The following ZBTB49 variants were observed in gnomAD, a reference collection of about 807,000 sequenced individuals.
ZBTB49 encodes zinc finger and BTB domain containing 49.
In ZBTB49, 43 loss-of-function variants were observed where a neutral mutation model predicts 57.5. The observed-to-expected ratio is 0.75, with a 90% CI of 0.59 to 0.97. The LOEUF (loss-of-function observed/expected upper bound fraction) is 0.97, where lower values mean the gene tolerates loss of function less well. ZBTB49 is among the 50% of genes least tolerant of loss of function. The probability of loss-of-function intolerance (pLI) is 0.00; values close to 1 mark genes in which losing one functional copy is unlikely to be tolerated. For missense variants in ZBTB49, 938 were observed against 947.7 expected, an observed-to-expected ratio of 0.99 and a Z score of 0.13; for synonymous variants, 369 against 362.1, an observed-to-expected ratio of 1.02 and a Z score of -0.22.
chr4:4,304,437 T>C (rs1388655963), intron 3 of ZBTB49, among the ~76,000 whole-genome samples: 1 of 152,064 alleles, frequency 6.6e-6, no homozygotes, highest in African/African-American at 2.4e-5. Flanking sequence ...AGGCTCATCT[T>C]GAACTCCTAA....
chr4:4,302,123 T>C lies in ZBTB49; in HGVS notation c.287T>C (p.Val96Ala), dbSNP rs1720501816. The change falls in exon 3 of 8, where the codon GTA becomes GCA. Residue 96 changes from valine (V) to alanine (A), a missense_variant. Around this residue, in one of 3 missense-constraint regions of ZBTB49, gnomAD observed 100 missense variants for 112.5 expected, o/e 0.89. Transcript: ENST00000337872. ...HLDLNQDNIQ[V>A]MLDTAQCLQV... ...GATCTTAACCAGGACAATATACAAG[T>C]AATGCTGGACACAGCACAGTGTTTG... The C allele has an allele frequency of 1.2e-6, 2 of 1,614,244 alleles. No individual in the cohort carries two copies. The highest frequency in any genetic ancestry group is 1.7e-5 in the Admixed American group (1 of 60,030).
At chr4:4,291,260 G>A (rs1334790508) in intron 1 of ZBTB49, among the ~76,000 whole-genome samples, 1 of 152,178 alleles carries the variant, frequency 6.6e-6, no homozygotes, top group Non-Finnish European at 1.5e-5. Flanking sequence ...TTCAGGTTTG[G>A]TTTCTTCTGA....
intron 4 of ZBTB49, among the ~76,000 whole-genome samples, chr4:4,309,057 T>G (rs1720865743): frequency 6.6e-6 from 1 of 152,230 alleles, no homozygotes; most frequent in Non-Finnish European, 1.5e-5. Flanking sequence ...ATTATTTTCT[T>G]GTAATGAACT....
At position 4,302,819 on chromosome 4, in the gene ZBTB49, A is replaced by G. The variant is rs753697625; in HGVS notation, c.983A>G (p.Lys328Arg). Residue 328 changes from lysine to arginine, a missense_variant, in exon 3 of 8, where the codon AAG becomes AGG. Physicochemically the swap from Lys to Arg is conservative, Grantham distance 26. Transcript: ENST00000337872. Reference protein sequence around the residue: ...QKYAEQVSEPKSDDGLTKRLE... With the variant: ...QKYAEQVSEPRSDDGLTKRLE... ...TACGCAGAGCAAGTATCTGAACCCA[A>G]GTCAGATGATGGTTTGACAAAGAGG... The G allele has an allele frequency of 1.2e-6, 2 of 1,614,078 alleles. No individual in the cohort carries two copies. Among genetic ancestry groups the G allele is most frequent in the Non-Finnish European group, 8.5e-7 (1 of 1,179,934 alleles).
At position 4,321,024 on chromosome 4, in the gene ZBTB49, A is replaced by T; in HGVS notation, c.2006A>T (p.Lys669Met). Residue 669 changes from lysine (K) to methionine (M), a missense_variant, in exon 8 of 8, where the codon AAG (lysine) becomes ATG (methionine). Around this residue, in one of 3 missense-constraint regions of ZBTB49, gnomAD observed 835 missense variants for 819.1 expected, o/e 1.02. Transcript: ENST00000337872. ...CCTCATGGAGTTAGTGACCAGGAGA[A>T]GCTGAGTTTGGATCCTGGTAAACTT... ...IQPHGVSDQEKLSLDPGKLAK... is the reference protein window; with the variant it reads ...IQPHGVSDQEMLSLDPGKLAK... The T allele has an allele frequency of 6.2e-7, 1 of 1,614,220 alleles. No homozygotes were observed. Among genetic ancestry groups the T allele is most frequent in the South Asian group, 1.1e-5 (1 of 91,088 alleles).
chr4:4,308,340 G>A (rs566893178), intron 4 of ZBTB49, among the ~76,000 whole-genome samples: 3 of 152,266 alleles, frequency 2.0e-5, no homozygotes, highest in South Asian at 2.1e-4. Context: ...GCCTCCCAAA[G>A]TGCTGGGATT....
intron 4 of ZBTB49, among the ~76,000 whole-genome samples, chr4:4,312,528 C>A (rs999867675): frequency 6.6e-6 from 1 of 152,202 alleles, no homozygotes; most frequent in Non-Finnish European, 1.5e-5. Flanking sequence ...ATTGAGAAAC[C>A]TGTCAGAAAG....
intron 2 of ZBTB49, among the ~76,000 whole-genome samples, chr4:4,301,271 C>A (rs983434840): frequency 2.0e-5 from 3 of 152,160 alleles, no homozygotes; most frequent in Non-Finnish European, 4.4e-5. Flanking sequence ...AATTTGTTCA[C>A]CTGTGACCTT....
In ZBTB49 at chr4:4,321,304, G is replaced by A. The variant is rs1484778986; in HGVS notation, c.2286G>A (p.Glu762=). 1 of 1,610,810 alleles carries A rather than the reference G, an allele frequency of 6.2e-7. No homozygotes were observed. The highest frequency in any genetic ancestry group is 2.2e-5 in the East Asian group (1 of 44,888). ...LAMKTLQNEN[E]LDQ ...TGAAGACGCTGCAGAATGAAAACGA[G>A]TTAGACCAGTGATGTACCGCGCTTC... The change falls in exon 8 of 8, where the codon GAG becomes GAA. Residue 762 remains glutamate, a synonymous_variant. Coordinates refer to ENST00000337872, the MANE Select transcript of ZBTB49 (RefSeq NM_145291.4).
At chr4:4,312,965 T>G (rs569698047) in intron 4 of ZBTB49, 76 bp from the exon 5 acceptor site, 34 of 1,481,494 alleles carry the variant, frequency 2.3e-5, no homozygotes, top group Non-Finnish European at 3.1e-5. Flanking sequence ...TGTGTCAGTT[T>G]TCCTTTTGAA....
intron 2 of ZBTB49, among the ~76,000 whole-genome samples, chr4:4,301,651 TAGATC>T (rs1316694953): frequency 3.3e-5 from 5 of 152,172 alleles, no homozygotes; most frequent in Non-Finnish European, 7.4e-5. Flanking sequence ...TTTTATTTCT[TAGATC>T]ATATTGGGAA....
intron 3 of ZBTB49, among the ~76,000 whole-genome samples, chr4:4,305,572 G>T (rs1403107873): frequency 6.6e-6 from 1 of 152,176 alleles, no homozygotes; most frequent in Non-Finnish European, 1.5e-5. Context: ...GAAATTAGAG[G>T]TGATAAAGAA....
In ZBTB49 at chr4:4,302,090, C is replaced by G; in HGVS notation, c.254C>G (p.Ser85Cys). 1 of 1,614,114 alleles carries G rather than the reference C, an allele frequency of 6.2e-7. No homozygotes were observed. The highest frequency in any genetic ancestry group is 8.5e-7 in the Non-Finnish European group (1 of 1,179,972). Residue 85 changes from serine to cysteine, a missense_variant, in exon 3 of 8, where the codon TCT becomes TGT. Coordinates refer to ENST00000337872, the MANE Select transcript of ZBTB49 (RefSeq NM_145291.4). ...IGQILDFMYTSHLDLNQDNIQ... is the reference protein window; with the variant it reads ...IGQILDFMYTCHLDLNQDNIQ... ...CAGATCCTGGACTTCATGTACACTT[C>G]TCATCTAGATCTTAACCAGGACAAT...
intron 1 of ZBTB49, among the ~76,000 whole-genome samples, chr4:4,295,149 T>A (rs2920177): frequency 0.74 from 111,902 of 152,104 alleles, 42,721 homozygotes; most frequent in Non-Finnish European, 0.83. Flanking sequence ...TGCTATAAAG[T>A]TGCTACCTGA....
intron 1 of ZBTB49, 150 bp from the exon 2 acceptor site, chr4:4,299,777 G>A (rs2980170): frequency 6.8e-6 from 1 of 146,154 alleles, no homozygotes; most frequent in Non-Finnish European, 1.6e-5. Context: ...AGAAACAGAG[G>A]TGTGTGTGTG....
intron 7 of ZBTB49, 30 bp from the exon 8 acceptor site, chr4:4,320,606 TTAAG>T (rs771016162): frequency 6.2e-7 from 1 of 1,612,058 alleles, no homozygotes; most frequent in South Asian, 1.1e-5. Flanking sequence ...GAGACCCTGT[TTAAG>T]TAAATAAATA....
intron 3 of ZBTB49, 89 bp from the exon 4 acceptor site, chr4:4,306,049 T>A (rs879574022): frequency 3.8e-6 from 4 of 1,039,606 alleles, no homozygotes; most frequent in Non-Finnish European, 5.9e-6. Flanking sequence ...TAATGCCATT[T>A]TGAAAGTACA....
rs1264081570 is a variant in ZBTB49 at position 4,313,059 on chromosome 4, C to T, written c.1321C>T (p.His441Tyr). Residue 441 changes from histidine to tyrosine, a missense_variant, in exon 5 of 8, where the codon CAC (histidine) becomes TAC (tyrosine). By Grantham distance (83) the His-to-Tyr change is moderately conservative. This residue lies in a region of ZBTB49 where 835 missense variants were observed against 819.1 expected (regional missense o/e 1.02). Transcript: ENST00000337872. ...HFSQAGNLQT[H>Y]LRRHSGEKPY... ...TTTGCAGGCAGGTAACTTGCAGACT[C>T]ACTTACGACGGCATTCTGGTGAAAA... 8 of 1,614,040 alleles carry T rather than the reference C, an allele frequency of 5.0e-6. No homozygotes were observed. Among genetic ancestry groups the T allele is most frequent in the Non-Finnish European group, 6.8e-6 (8 of 1,180,034 alleles).
At chr4:4,292,142 G>A (rs1381711281) in intron 1 of ZBTB49, among the ~76,000 whole-genome samples, 1 of 152,138 alleles carries the variant, frequency 6.6e-6, no homozygotes, top group African/African-American at 2.4e-5. Context: ...TTAGCTGGGT[G>A]TGGTGGTGCA....
Sources: gnomAD v4.1 joint callset for allele counts (sites outside exome capture counted in the v4.1 genomes callset) on GRCh38, gnomAD v4.1.1 for gene constraint, gnomAD v4.1.1 regional missense constraint, MANE v1.5 for transcripts, NCBI Gene and HGNC (gene_info 2026-07-23, HGNC 2026-07-21) for gene names.